The following COPB2 variants were observed in gnomAD, a reference collection of about 807,000 sequenced individuals.
COPB2 encodes coat protein complex I subunit beta 2.
COPB2 carries 16 observed loss-of-function variants against 120.8 expected under a neutral mutation model. The observed-to-expected ratio is 0.13, with a 90% confidence interval of 0.09 to 0.20. The LOEUF (loss-of-function observed/expected upper bound fraction) is 0.20, where lower values mean the gene tolerates loss of function less well. Among genes scored for constraint, COPB2 ranks in the 10% least tolerant of loss-of-function variants. COPB2 has a pLI of 1.00. For missense variants in COPB2, 794 were observed against 1,076.5 expected (o/e 0.74, Z 3.67); for synonymous variants, 332 against 366.3 (o/e 0.91, Z 1.07).
intron 17 of COPB2, among the ~76,000 whole-genome samples, chr3:139,359,714 T>G (rs1042064265): frequency 6.6e-6 from 1 of 152,190 alleles, no homozygotes; most frequent in Non-Finnish European, 1.5e-5. Context: ...TCTAGGGCAG[T>G]GTCTCCAACA....
rs1422913669 is a variant in COPB2, at chr3:139,371,946, T to C, written c.1095-113A>G. 9 of 729,060 alleles carry C rather than the reference T, an allele frequency of 1.2e-5. No homozygotes were observed. The East Asian group carries it at 2.5e-4, about 20-fold the overall frequency. The allele number at this position is 729,060 out of a possible 1,614,324, so 45.2% of individuals were successfully genotyped here. A position where few individuals can be genotyped will look rare whatever the true frequency, so the allele number is the denominator to read the frequency against. ...AATTCTAATAACAAATGTTATTTAG[T>C]TCATTATTACAATTTAACATCTTTT... On this transcript the variant is annotated intron_variant, in intron 9 of 21. Transcript: ENST00000333188.
At chr3:139,386,479 T>G (rs1941924283) in intron 1 of COPB2, among the ~76,000 whole-genome samples, 1 of 152,108 alleles carries the variant, frequency 6.6e-6, no homozygotes, top group African/African-American at 2.4e-5. Flanking sequence ...CTCGAACTCC[T>G]CTCCTGACCT....
intron 1 of COPB2, among the ~76,000 whole-genome samples, chr3:139,388,892 T>C (rs1941990832): frequency 6.6e-6 from 1 of 152,008 alleles, no homozygotes; most frequent in Non-Finnish European, 1.5e-5. Context: ...CAAACTAGTC[T>C]AGGGCGTTTT....
At chr3:139,360,601 T>C (rs1314334557) in intron 17 of COPB2, among the ~76,000 whole-genome samples, 1 of 152,150 alleles carries the variant, frequency 6.6e-6, no homozygotes, top group Non-Finnish European at 1.5e-5. Context: ...ATTTGGTTTA[T>C]GCTAACTCGG....
In COPB2 at chr3:139,371,696, G is replaced by A. The variant is rs752743391; in HGVS notation, c.1205+27C>T. 14 of 1,580,520 alleles carry A rather than the reference G, an allele frequency of 8.9e-6. No individual in the cohort carries two copies. The South Asian group carries it at 1.3e-4, about 15-fold the overall frequency. On this transcript the variant is annotated intron_variant, in intron 10 of 21. Coordinates refer to ENST00000333188, the MANE Select transcript of COPB2 (RefSeq NM_004766.3). ...CACAACACATCTGCAATCAGGGCAT[G>A]CTGGCTATCATACAATCAAAACTTA...
rs201818879 is a variant in COPB2, at chr3:139,379,514, C to T, written c.142-48G>A. ...ACAAATTGAGCTATAAGAAAATAAC[C>T]ACAAAATCTACTCTGTTATATTTCA... On this transcript the variant is annotated intron_variant, in intron 2 of 21. Transcript: ENST00000333188. 326 of 1,469,446 alleles carry T rather than the reference C, an allele frequency of 2.2e-4. 1 individual carries two copies. In the African/African-American group the frequency reaches 4.2e-3, roughly 19 times the overall value. The allele number at this position is 1,469,446 out of a possible 1,614,324, so 91.0% of individuals were successfully genotyped here.
rs142305414 is a variant in COPB2, at chr3:139,362,486, G to A, written c.1916C>T (p.Thr639Ile). ...GFKQQALTVS[T>I]DPEHRFELAL... ...AAGCTCAAAACGATGCTCAGGATCT[G>A]TGGATACTGTAAGAGCTTGCTGCTT... Residue 639 changes from threonine to isoleucine, a missense_variant, in exon 16 of 22, where the codon ACA becomes ATA. By Grantham distance (89) the Thr-to-Ile change is moderately conservative. Around this residue, in one of 3 missense-constraint regions of COPB2, gnomAD observed 610 missense variants for 866.7 expected, o/e 0.70. Transcript: ENST00000333188. The A allele has an allele frequency of 2.4e-5, 38 of 1,612,004 alleles. No individual in the cohort carries two copies. In the Admixed American group the frequency reaches 5.2e-4, roughly 22 times the overall value.
chr3:139,389,387 T>C, intron 1 of COPB2, 161 bp downstream of exon 1: 1 of 1,154,874 alleles, frequency 8.7e-7, no homozygotes, highest in Non-Finnish European at 1.1e-6. Flanking sequence ...CCCCACCGCC[T>C]TCTCCCTTCC....
intron 12 of COPB2, among the ~76,000 whole-genome samples, chr3:139,368,739 C>T (rs1941568862): frequency 6.6e-6 from 1 of 152,040 alleles, no homozygotes; most frequent in Non-Finnish European, 1.5e-5. Context: ...GAGTAAGCCC[C>T]CAAGTCAATG....
chr3:139,375,356 C>A (rs987681794), intron 6 of COPB2, 112 bp downstream of exon 6: 2 of 1,052,388 alleles, frequency 1.9e-6, no homozygotes, highest in African/African-American at 1.6e-5. Context: ...AATACTGATA[C>A]CTTAAGTTAT....
chr3:139,368,621 GAAGTC>G (rs1941566616), intron 12 of COPB2, among the ~76,000 whole-genome samples: 2 of 152,018 alleles, frequency 1.3e-5, no homozygotes, highest in African/African-American at 4.8e-5. Flanking sequence ...ACCCTCCCTA[GAAGTC>G]TTTCTGGACA....
intron 15 of COPB2, 78 bp from the exon 16 acceptor site, chr3:139,362,595 C>A: frequency 2.6e-6 from 2 of 761,260 alleles, no homozygotes; most frequent in Non-Finnish European, 3.9e-6. Context: ...TATATACACA[C>A]ACATATACAG....
chr3:139,357,820 A>ATAAT lies in COPB2; in HGVS notation c.*39_*42dup. On this transcript the variant is annotated 3_prime_UTR_variant, in exon 22 of 22. Coordinates refer to ENST00000333188, the MANE Select transcript of COPB2 (RefSeq NM_004766.3). ...TCAGGGTAGCAATCAATACCTATAT[A>ATAAT]TAATAATGATCTGTTTAGTCAGGTA... 9.3e-7 allele frequency: 1 copy of ATAAT among 1,079,784 alleles called. No individual in the cohort carries two copies. The highest frequency in any genetic ancestry group is 1.4e-6 in the Non-Finnish European group (1 of 731,776). 66.9% of individuals were successfully genotyped at this position (1,079,784 alleles called of 1,614,324 possible). A position where few individuals can be genotyped will look rare whatever the true frequency, so the allele number is the denominator to read the frequency against.
chr3:139,362,540 T>C (rs750338124), intron 15 of COPB2, 23 bp from the exon 16 acceptor site: 6 of 1,492,150 alleles, frequency 4.0e-6, no homozygotes, highest in Non-Finnish European at 2.7e-6. Context: ...TTAAAAATTA[T>C]ATATATTTAT....
chr3:139,359,769 G>A (rs1419265444), intron 17 of COPB2, among the ~76,000 whole-genome samples: 1 of 151,980 alleles, frequency 6.6e-6, no homozygotes, highest in Non-Finnish European at 1.5e-5. Flanking sequence ...GAATACCATG[G>A]TGTCTTATTT....
At chr3:139,383,481 T>C in intron 1 of COPB2, 46 bp from the exon 2 acceptor site, 1 of 1,468,220 alleles carries the variant, frequency 6.8e-7, no homozygotes, top group South Asian at 1.5e-5. Flanking sequence ...CCAAATAAAA[T>C]ATGTTTGAGA....
At chr3:139,360,517 C>CAA (rs11439096) in intron 17 of COPB2, among the ~76,000 whole-genome samples, 1,509 of 87,820 alleles carry the variant, frequency 0.017, 44 homozygotes, top group African/African-American at 0.048. Flanking sequence ...GATTCCATCT[C>CAA]AAAAAAAAAA....
At chr3:139,358,165 G>C (rs1390194374) in intron 21 of COPB2, 35 bp downstream of exon 21, 1 of 1,570,470 alleles carries the variant, frequency 6.4e-7, no homozygotes, top group Non-Finnish European at 8.8e-7. Context: ...AGGAAGATGG[G>C]GTAGAGGGAG....
chr3:139,366,524 T>A (rs755144697), intron 15 of COPB2, 44 bp downstream of exon 15: 197 of 1,537,464 alleles, frequency 1.3e-4, no homozygotes, highest in Non-Finnish European at 1.7e-4. Flanking sequence ...TGCTTTCAAA[T>A]TGCAAGTTTT....
Sources: allele counts gnomAD v4.1 joint callset (sites outside exome capture counted in the v4.1 genomes callset), GRCh38; gene constraint gnomAD v4.1.1; regional missense constraint gnomAD v4.1.1; transcripts MANE v1.5; gene names NCBI Gene and HGNC (gene_info 2026-07-23, HGNC 2026-07-21).